Variants in SLC25A21 observed in about 807,000 individuals in gnomAD.
SLC25A21 encodes solute carrier family 25 member 21.
In SLC25A21, 47 loss-of-function variants were observed where a neutral mutation model predicts 43.8. The ratio of observed to expected loss-of-function variants is 1.07; its 90% CI spans 0.85 to 1.37. The LOEUF is 1.37. SLC25A21 is among the 40% of genes most tolerant of loss of function. The pLI is 0.00. For synonymous variants in SLC25A21, 131 were observed against 121.3 expected, an observed-to-expected ratio of 1.08 and a Z score of -0.52; for missense variants, 352 against 350.2, an observed-to-expected ratio of 1.00 and a Z score of -0.04.
At chr14:37,009,916 C>T (rs1344054251) in intron 1 of SLC25A21, among the ~76,000 whole-genome samples, 3 of 152,194 alleles carry the variant, frequency 2.0e-5, no homozygotes, top group South Asian at 2.1e-4. Context: ...GAAATTTTGA[C>T]GTAAGTGTGA....
chr14:36,907,969 G>A (rs1891579901), intron 1 of SLC25A21, among the ~76,000 whole-genome samples: 3 of 152,088 alleles, frequency 2.0e-5, no homozygotes, highest in South Asian at 4.2e-4. Flanking sequence ...TTCAGAGAAG[G>A]GAAATATGGA....
intron 1 of SLC25A21, among the ~76,000 whole-genome samples, chr14:37,043,885 C>A (rs1430818693): frequency 6.6e-6 from 1 of 151,834 alleles, no homozygotes; most frequent in Admixed American, 6.6e-5. Flanking sequence ...CAGGTGTGCA[C>A]CATCATGTCT....
At chr14:36,810,004 C>T (rs183033609) in intron 3 of SLC25A21, among the ~76,000 whole-genome samples, 59 of 152,200 alleles carry the variant, frequency 3.9e-4, no homozygotes, top group Non-Finnish European at 5.6e-4. Flanking sequence ...TCTTCTCTTT[C>T]GTTTCTTTTT....
intron 1 of SLC25A21, among the ~76,000 whole-genome samples, chr14:37,053,829 A>G (rs1207790608): frequency 6.6e-6 from 1 of 152,252 alleles, no homozygotes; most frequent in Non-Finnish European, 1.5e-5. Flanking sequence ...ACATTAGCCA[A>G]AGATAAGACA....
chr14:36,966,718 C>A (rs1370583774), intron 1 of SLC25A21, among the ~76,000 whole-genome samples: 1 of 152,154 alleles, frequency 6.6e-6, no homozygotes, highest in Non-Finnish European at 1.5e-5. Flanking sequence ...GAAAAGTTAG[C>A]AAATTGTGGC....
chr14:37,065,814 G>A (rs1053318688), intron 1 of SLC25A21, among the ~76,000 whole-genome samples: 4 of 152,108 alleles, frequency 2.6e-5, no homozygotes, highest in African/African-American at 9.7e-5. Context: ...AATAAAAAGT[G>A]GGATAAAATT....
chr14:36,830,463 C>CT (rs539792512), intron 2 of SLC25A21, among the ~76,000 whole-genome samples: 38 of 149,396 alleles, frequency 2.5e-4, no homozygotes, highest in Middle Eastern at 6.8e-3. Flanking sequence ...ATTTTAAGAG[C>CT]TTTTTTTTTT....
intron 1 of SLC25A21, among the ~76,000 whole-genome samples, chr14:36,954,719 C>T (rs1959288252): frequency 6.6e-6 from 1 of 152,114 alleles, no homozygotes; most frequent in African/African-American, 2.4e-5. Flanking sequence ...TGGGCTAATG[C>T]AAATGTTAAC....
At chr14:37,064,760 T>TTTG (rs1962025915) in intron 1 of SLC25A21, among the ~76,000 whole-genome samples, 1 of 152,170 alleles carries the variant, frequency 6.6e-6, no homozygotes, top group Non-Finnish European at 1.5e-5. Context: ...CTATTTCACT[T>TTTG]CCAGGTTGAC....
intron 9 of SLC25A21, among the ~76,000 whole-genome samples, chr14:36,682,167 ATTC>A (rs1231795322): frequency 7.0e-6 from 1 of 143,376 alleles, no homozygotes; most frequent in African/African-American, 2.8e-5. Context: ...TCTCTCTCTC[ATTC>A]TTTTTTTTTT....
chr14:36,699,166 T>C (rs570458959), intron 7 of SLC25A21, among the ~76,000 whole-genome samples: 16 of 152,096 alleles, frequency 1.1e-4, no homozygotes, highest in Non-Finnish European at 1.6e-4. Context: ...TTGTTAGTTT[T>C]CCTTCTAACA....
chr14:37,171,215 C>T (rs1052912131), intron 1 of SLC25A21, among the ~76,000 whole-genome samples: 3 of 151,746 alleles, frequency 2.0e-5, no homozygotes, highest in African/African-American at 4.8e-5. Flanking sequence ...TGATGAAATA[C>T]CATCTTTAAG....
intron 1 of SLC25A21, among the ~76,000 whole-genome samples, chr14:37,007,999 C>T (rs905877504): frequency 9.2e-5 from 14 of 151,832 alleles, no homozygotes; most frequent in African/African-American, 3.1e-4. Context: ...CTGAGCCTCC[C>T]GAGTAGCTGA....
intron 1 of SLC25A21, among the ~76,000 whole-genome samples, chr14:37,100,051 TTTG>T (rs2138863150): frequency 1.3e-5 from 2 of 151,512 alleles, no homozygotes; most frequent in Admixed American, 6.6e-5. Flanking sequence ...TGTTTGTTTG[TTTG>T]TTTGTTTTCT....
intron 1 of SLC25A21, among the ~76,000 whole-genome samples, chr14:36,967,694 G>A (rs772561820): frequency 1.3e-5 from 2 of 152,100 alleles, no homozygotes; most frequent in African/African-American, 4.8e-5. Context: ...AATGTCAACC[G>A]AATCCAGCAG....
At chr14:37,073,721 G>A (rs1962220797) in intron 1 of SLC25A21, among the ~76,000 whole-genome samples, 1 of 152,066 alleles carries the variant, frequency 6.6e-6, no homozygotes, top group Non-Finnish European at 1.5e-5. Context: ...AGGCCCTCTT[G>A]TCTTGTGTCC....
intron 1 of SLC25A21, among the ~76,000 whole-genome samples, chr14:37,117,516 G>A (rs976173340): frequency 6.6e-6 from 1 of 151,922 alleles, no homozygotes; most frequent in African/African-American, 2.4e-5. Flanking sequence ...CCCTTAAGTC[G>A]GCATTCTTAG....
chr14:37,109,996 T>C (rs1419407573), intron 1 of SLC25A21, among the ~76,000 whole-genome samples: 2 of 152,216 alleles, frequency 1.3e-5, no homozygotes, highest in Non-Finnish European at 2.9e-5. Flanking sequence ...ATTACAATGT[T>C]ATTAAAATAG....
At chr14:36,689,060 T>C (rs113292264) in intron 7 of SLC25A21, among the ~76,000 whole-genome samples, 7,396 of 152,198 alleles carry the variant, frequency 0.049, 491 homozygotes, top group East Asian at 0.32. Flanking sequence ...ATACCTGAGA[T>C]TGGGCAATTT....
Sources: allele counts gnomAD v4.1 joint callset (sites outside exome capture counted in the v4.1 genomes callset), GRCh38; gene constraint gnomAD v4.1.1; transcripts MANE v1.5; gene names NCBI Gene and HGNC (gene_info 2026-07-23, HGNC 2026-07-21).